Variants in CLASP2 observed in about 807,000 individuals in gnomAD.
CLASP2 encodes the protein CLIP-associating protein 2.
CLASP2 carries 47 observed loss-of-function variants against 194.4 expected under a neutral mutation model. That is an observed-to-expected ratio of 0.24 (90% CI 0.19 to 0.31). The LOEUF is 0.31. Among genes scored for constraint, CLASP2 ranks in the 10% least tolerant of loss-of-function variants. The pLI is 1.00. For synonymous variants in CLASP2, 619 were observed against 633.5 expected (o/e 0.98, Z 0.34); for missense variants, 1,445 against 1,823.6 (o/e 0.79, Z 3.78).
intron 22 of CLASP2, among the ~76,000 whole-genome samples, chr3:33,584,193 T>C (rs926199518): frequency 6.6e-6 from 1 of 152,024 alleles, no homozygotes; most frequent in Non-Finnish European, 1.5e-5. Context: ...AAATATGTTA[T>C]AAAATTCCAC....
intron 9 of CLASP2, among the ~76,000 whole-genome samples, chr3:33,628,068 A>G (rs2078366609): frequency 6.6e-6 from 1 of 152,184 alleles, no homozygotes; most frequent in East Asian, 1.9e-4. Context: ...TCCTGGTGAT[A>G]CCAACTGAGT....
At chr3:33,511,372 G>T (rs922647307) in intron 36 of CLASP2, among the ~76,000 whole-genome samples, 1 of 152,062 alleles carries the variant, frequency 6.6e-6, no homozygotes, top group Non-Finnish European at 1.5e-5. Context: ...TTGTGGTCTA[G>T]TTGTGTTAGT....
Position 33,570,805 on chromosome 3 carries a change from C to A in CLASP2, c.2700-15G>T. 6.4e-7 allele frequency: 1 copy of A among 1,564,586 alleles called. No homozygotes were observed. Among genetic ancestry groups the A allele is most frequent in the Non-Finnish European group, 8.7e-7 (1 of 1,154,330 alleles). ...GTTCAACTCGACTGCCAAGATAATA[C>A]AGCGGTTAATTAATATCTTGCTGTA... is the stretch of plus-strand genomic sequence containing the variant. On this transcript the variant is annotated splice_polypyrimidine_tract_variant and intron_variant, in intron 25 of 38. Transcript: ENST00000682230.
At chr3:33,596,516 G>A (rs962217946) in intron 19 of CLASP2, 195 bp downstream of exon 19, 18 of 545,960 alleles carry the variant, frequency 3.3e-5, no homozygotes, top group Non-Finnish European at 1.3e-5. Context: ...AGCAGACTGG[G>A]ATATGGTATG....
intron 29 of CLASP2, among the ~76,000 whole-genome samples, chr3:33,552,665 C>G (rs1200850238): frequency 6.6e-6 from 1 of 152,086 alleles, no homozygotes; most frequent in Non-Finnish European, 1.5e-5. Context: ...CATAGTCAAG[C>G]AAATCAATGA....
At chr3:33,616,734 CTTTTT>C (rs958911625) in intron 12 of CLASP2, among the ~76,000 whole-genome samples, 12 of 95,374 alleles carry the variant, frequency 1.3e-4, no homozygotes, top group African/African-American at 5.1e-4. Context: ...ACTATACTTC[CTTTTT>C]TTTTTTTTTT....
At chr3:33,534,585 C>T (rs1440995898) in intron 34 of CLASP2, among the ~76,000 whole-genome samples, 4 of 152,090 alleles carry the variant, frequency 2.6e-5, no homozygotes, top group Non-Finnish European at 5.9e-5. Context: ...AACACTAAAA[C>T]ATTTGTAGTG....
rs144079580 is a variant in CLASP2 at position 33,560,920 on chromosome 3, C to A, written c.2818G>T (p.Asp940Tyr). 5 of 1,613,876 alleles carry A rather than the reference C, an allele frequency of 3.1e-6. No homozygotes were observed. The highest frequency in any genetic ancestry group is 4.2e-6 in the Non-Finnish European group (5 of 1,179,820). Residue 940 changes from aspartate to tyrosine, a missense_variant, in exon 28 of 39, where the codon GAT becomes TAT. Asp to Tyr is a radical substitution (Grantham distance 160). Coordinates refer to ENST00000682230, the MANE Select transcript of CLASP2 (RefSeq NM_001365631.1). ...ACAAACAACCAATCTTGAAGATCAT[C>A]TTTGTGGACTTGTATGAAATCCACT... is the stretch of plus-strand genomic sequence containing the variant. ...TLVDFIQVHK[D>Y]DLQDWLFVLL...
chr3:33,593,002 T>C (rs982778273), intron 20 of CLASP2, among the ~76,000 whole-genome samples: 5 of 152,224 alleles, frequency 3.3e-5, no homozygotes, highest in Non-Finnish European at 5.9e-5. Context: ...CTACATATGG[T>C]ATATGGACAT....
intron 34 of CLASP2, among the ~76,000 whole-genome samples, chr3:33,522,968 G>A (rs1413798075): frequency 6.6e-6 from 1 of 152,024 alleles, no homozygotes; most frequent in Non-Finnish European, 1.5e-5. Context: ...CCCAGCTGCT[G>A]GGGAGGCTGA....
chr3:33,576,034 C>T (rs1182748568), intron 24 of CLASP2, 135 bp downstream of exon 24: 29 of 641,540 alleles, frequency 4.5e-5, no homozygotes, highest in Non-Finnish European at 2.7e-6. Context: ...CTGCTTTTTA[C>T]ACTGCCCACG....
chr3:33,659,161 C>T (rs1012520068), intron 7 of CLASP2: 51 of 1,388,244 alleles, frequency 3.7e-5, no homozygotes, highest in Non-Finnish European at 4.4e-5. Flanking sequence ...TGCTACTCCA[C>T]TTCAAAATAA....
At chr3:33,541,486 A>G (rs2058352523) in intron 32 of CLASP2, among the ~76,000 whole-genome samples, 1 of 151,572 alleles carries the variant, frequency 6.6e-6, no homozygotes, top group Non-Finnish European at 1.5e-5. Context: ...CCCTCCTCCT[A>G]CCCTCTGCCC....
At chr3:33,701,453 G>A (rs1380601962) in intron 1 of CLASP2, among the ~76,000 whole-genome samples, 1 of 152,160 alleles carries the variant, frequency 6.6e-6, no homozygotes, top group Non-Finnish European at 1.5e-5. Context: ...AAAAGTAGCT[G>A]GCCATGGTGG....
chr3:33,604,113 A>C, intron 17 of CLASP2, 41 bp downstream of exon 17: 1 of 1,438,524 alleles, frequency 7.0e-7, no homozygotes, highest in Non-Finnish European at 9.5e-7. Flanking sequence ...ACTGTTTCAA[A>C]GATAAAATAG....
chr3:33,717,796 G>A lies in CLASP2; in HGVS notation c.195+12C>T, dbSNP rs369325599. On this transcript the variant is annotated intron_variant, in intron 1 of 38. Coordinates refer to ENST00000682230, the MANE Select transcript of CLASP2 (RefSeq NM_001365631.1). ...AGGGCGTGACCAGCCCAGCCTCGCC[G>A]CCGTCGCTTACCCGGTAGTTGCTCG... 14 of 1,551,006 alleles carry A rather than the reference G, an allele frequency of 9.0e-6. No homozygotes were observed. The highest frequency in any genetic ancestry group is 4.9e-5 in the East Asian group (2 of 41,028).
chr3:33,605,662 A>G (rs2073648347), intron 16 of CLASP2, among the ~76,000 whole-genome samples: 1 of 152,180 alleles, frequency 6.6e-6, no homozygotes, highest in South Asian at 2.1e-4. Flanking sequence ...TCTGTTTCCC[A>G]GGCTGGAGTG....
intron 7 of CLASP2, among the ~76,000 whole-genome samples, chr3:33,647,294 T>C (rs1200599091): frequency 6.6e-6 from 1 of 152,006 alleles, no homozygotes; most frequent in Non-Finnish European, 1.5e-5. Flanking sequence ...GTAATATCTA[T>C]GGCACCAGTC....
At chr3:33,563,930 T>A (rs937848896) in intron 27 of CLASP2, 1 of 456,132 alleles carries the variant, frequency 2.2e-6, no homozygotes, top group Non-Finnish European at 4.4e-6. Flanking sequence ...TCCTAACACA[T>A]CCCCACTCCA....
Sources: gnomAD v4.1 joint callset for allele counts (sites outside exome capture counted in the v4.1 genomes callset) on GRCh38, gnomAD v4.1.1 for gene constraint, MANE v1.5 for transcripts, NCBI Gene and HGNC (gene_info 2026-07-23, HGNC 2026-07-21) for gene names.